The following TESK2 variants were observed in gnomAD, a reference collection of about 807,000 sequenced individuals.
The protein encoded by TESK2 is testis associated actin remodelling kinase 2, also known as dual specificity testis-specific protein kinase 2.
In TESK2, 39 loss-of-function variants were observed where a neutral mutation model predicts 57.1. That is an observed-to-expected ratio of 0.68 (90% CI 0.53 to 0.89). The LOEUF (loss-of-function observed/expected upper bound fraction) is 0.89. Ranked by LOEUF, TESK2 falls within the 40% of genes least tolerant of loss-of-function variation. TESK2 has a pLI of 0.00. For missense variants in TESK2, 646 were observed against 732.1 expected, an observed-to-expected ratio of 0.88 and a Z score of 1.36; for synonymous variants, 249 against 267.9, an observed-to-expected ratio of 0.93 and a Z score of 0.69.
chr1:45,355,835 G>A (rs1001093284), intron 4 of TESK2, among the ~76,000 whole-genome samples: 1 of 152,150 alleles, frequency 6.6e-6, no homozygotes, highest in African/African-American at 2.4e-5. Context: ...CACAGAGGGA[G>A]CAGCATATGC....
chr1:45,487,935 G>C (rs1262162461), intron 1 of TESK2, among the ~76,000 whole-genome samples: 3 of 148,280 alleles, frequency 2.0e-5, no homozygotes, highest in Non-Finnish European at 4.5e-5. Context: ...GTTTTTTTTT[G>C]CTTTTTTTTT....
intron 2 of TESK2, among the ~76,000 whole-genome samples, chr1:45,432,939 A>G (rs1651034517): frequency 6.7e-6 from 1 of 148,470 alleles, no homozygotes; most frequent in South Asian, 2.1e-4. Context: ...AATTTTTTGT[A>G]TTTTAGTAGA....
chr1:45,489,899 G>A (rs981717431), intron 1 of TESK2, among the ~76,000 whole-genome samples: 3 of 152,178 alleles, frequency 2.0e-5, no homozygotes, highest in Non-Finnish European at 2.9e-5. Flanking sequence ...ATGAGATCAG[G>A]AGCGTTGAGG....
At chr1:45,479,593 C>T (rs978622141) in intron 1 of TESK2, among the ~76,000 whole-genome samples, 1 of 151,516 alleles carries the variant, frequency 6.6e-6, no homozygotes, top group Admixed American at 6.6e-5. Flanking sequence ...CACGCCCAGC[C>T]CCCCCAAAAA....
chr1:45,382,168 C>T (rs1445775103), intron 4 of TESK2, among the ~76,000 whole-genome samples: 2 of 152,132 alleles, frequency 1.3e-5, no homozygotes, highest in Non-Finnish European at 2.9e-5. Context: ...CCACTGCACC[C>T]AGCCTCAATA....
intron 3 of TESK2, among the ~76,000 whole-genome samples, chr1:45,400,603 A>G (rs2149280030): frequency 6.6e-6 from 1 of 152,342 alleles, no homozygotes; most frequent in East Asian, 1.9e-4. Context: ...TAACATTAAC[A>G]TGTTCCTTGG....
intron 3 of TESK2, among the ~76,000 whole-genome samples, chr1:45,392,443 C>T (rs1389999023): frequency 6.6e-6 from 1 of 151,904 alleles, no homozygotes; most frequent in Non-Finnish European, 1.5e-5. Flanking sequence ...TGGCTCACGC[C>T]TGTAATCCCA....
chr1:45,431,184 C>T (rs1381920831), intron 2 of TESK2, among the ~76,000 whole-genome samples: 3 of 152,016 alleles, frequency 2.0e-5, no homozygotes, highest in African/African-American at 7.3e-5. Context: ...TTTGGGAGGC[C>T]GAGGTCGGCG....
At chr1:45,369,342 T>C (rs1325834202) in intron 4 of TESK2, among the ~76,000 whole-genome samples, 1 of 151,754 alleles carries the variant, frequency 6.6e-6, no homozygotes, top group African/African-American at 2.4e-5. Flanking sequence ...CTACTAAAAA[T>C]ACAACAAAAT....
At chr1:45,438,902 C>G (rs192523661) in intron 2 of TESK2, among the ~76,000 whole-genome samples, 1 of 152,208 alleles carries the variant, frequency 6.6e-6, no homozygotes, top group East Asian at 1.9e-4. Flanking sequence ...TAGATTCAGA[C>G]TACAACAATA....
At chr1:45,356,688 T>C (rs1647438659) in intron 4 of TESK2, among the ~76,000 whole-genome samples, 1 of 151,684 alleles carries the variant, frequency 6.6e-6, no homozygotes, top group Non-Finnish European at 1.5e-5. Context: ...CAGGTGCTTA[T>C]TGGACAACCA....
rs1315622795 is a variant in TESK2, at chr1:45,344,932, TCTC to T, written c.1621_1623del (p.Glu541del). 14 of 1,614,064 alleles carry T rather than the reference TCTC, an allele frequency of 8.7e-6. No homozygotes were observed. The highest frequency in any genetic ancestry group is 1.1e-5 in the Non-Finnish European group (13 of 1,180,036). ...CCTGCTGGCCTTTCTTCTACCTCCATCTCCTCAGAAGCACCCGCAGGGCATGGA... is the reference window on the plus strand; with the variant it reads ...CCTGCTGGCCTTTCTTCTACCTCCATCTCAGAAGCACCCGCAGGGCATGGA... On this transcript the variant is annotated inframe_deletion, in exon 11 of 11. Coordinates refer to ENST00000372086, the MANE Select transcript of TESK2 (RefSeq NM_007170.3).
chr1:45,345,600 CAA>C, intron 10 of TESK2, 42 bp from the exon 11 acceptor site: 1 of 1,518,176 alleles, frequency 6.6e-7, no homozygotes, highest in Non-Finnish European at 9.0e-7. Flanking sequence ...CTAGTCATAA[CAA>C]ATACAAGCAG....
chr1:45,384,095 A>G (rs745522524), intron 4 of TESK2, among the ~76,000 whole-genome samples: 4 of 152,162 alleles, frequency 2.6e-5, no homozygotes, highest in Non-Finnish European at 4.4e-5. Context: ...CACTGTACTA[A>G]ATAAGTATTT....
rs540255500 is a variant in TESK2, at chr1:45,410,072, C to T, written c.344+11653G>A. Reference sequence around the variant, plus strand: ...CCCAGCTACTCGGGAGGCTGAAGCACGAGAACCTGGGAGGCGGAGGTTGCA... The same window carrying T: ...CCCAGCTACTCGGGAGGCTGAAGCATGAGAACCTGGGAGGCGGAGGTTGCA... On this transcript the variant is annotated intron_variant, in intron 3 of 10. Coordinates refer to ENST00000372086, the MANE Select transcript of TESK2 (RefSeq NM_007170.3). 1.1e-3 allele frequency among the ~76,000 whole-genome samples: 172 copies of T among 150,196 alleles called. 2 individuals are homozygous for T. The highest frequency in any genetic ancestry group is 4.1e-3 in the African/African-American group (166 of 40,942).
At chr1:45,409,007 T>C (rs1557561769) in intron 3 of TESK2, among the ~76,000 whole-genome samples, 2 of 152,322 alleles carry the variant, frequency 1.3e-5, no homozygotes, top group East Asian at 1.9e-4. Context: ...AGCCCTCTTA[T>C]TTTTAGCCCA....
At chr1:45,450,450 T>C (rs2149297266) in intron 2 of TESK2, among the ~76,000 whole-genome samples, 1 of 152,242 alleles carries the variant, frequency 6.6e-6, no homozygotes, top group South Asian at 2.1e-4. Flanking sequence ...AGGTCGAGGC[T>C]GCAGTGAGCT....
chr1:45,488,318 T>C (rs1034343359), intron 1 of TESK2, among the ~76,000 whole-genome samples: 1 of 152,174 alleles, frequency 6.6e-6, no homozygotes, highest in African/African-American at 2.4e-5. Flanking sequence ...GTGTCTTCAG[T>C]CTCCAAACTG....
intron 2 of TESK2, among the ~76,000 whole-genome samples, chr1:45,438,091 C>G (rs1019475373): frequency 6.6e-6 from 1 of 152,214 alleles, no homozygotes; most frequent in Non-Finnish European, 1.5e-5. Flanking sequence ...AGAACATCTA[C>G]TATCTCACAT....
Sources: allele counts gnomAD v4.1 joint callset (sites outside exome capture counted in the v4.1 genomes callset), GRCh38; gene constraint gnomAD v4.1.1; transcripts MANE v1.5; gene names NCBI Gene and HGNC (gene_info 2026-07-23, HGNC 2026-07-21).